The following TENM1 variants were observed in gnomAD, a reference collection of about 807,000 sequenced individuals.
The protein encoded by TENM1 is teneurin-1.
A neutral mutation model predicts 174.8 loss-of-function variants in TENM1; 35 were observed. The ratio of observed to expected loss-of-function variants is 0.20; its 90% CI spans 0.15 to 0.27. TENM1 has a LOEUF of 0.27. Ranked by LOEUF, TENM1 falls within the 10% of genes least tolerant of loss-of-function variation. The pLI is 1.00. For synonymous variants in TENM1, 781 were observed against 798.7 expected, an observed-to-expected ratio of 0.98 and a Z score of 0.37; for missense variants, 1,633 against 2,130.1, an observed-to-expected ratio of 0.77 and a Z score of 4.59.
the TENM1 span, among the ~76,000 whole-genome samples, chrX:125,048,304 C>T: frequency 1.0e-3 from 90 of 87,190 alleles, no homozygotes; most frequent in Non-Finnish European, 1.7e-3. Context: ...GACTGGAGTG[C>T]AGTGGTTATT....
At chrX:124,884,455 C>T (rs2057351934) in intron 3 of TENM1, among the ~76,000 whole-genome samples, 1 of 110,750 alleles carries the variant, frequency 9.0e-6, no homozygotes, top group South Asian at 3.9e-4. Context: ...AGGCATATTC[C>T]CTATGTTAGT....
intron 22 of TENM1, among the ~76,000 whole-genome samples, chrX:124,475,577 C>T (rs1220586626): frequency 2.7e-5 from 3 of 112,051 alleles, no homozygotes; most frequent in South Asian, 3.8e-4. Flanking sequence ...CTCCTCATTG[C>T]CTAATGCAAT....
At chrX:125,151,442 C>T in the TENM1 span, among the ~76,000 whole-genome samples, 1 of 111,390 alleles carries the variant, frequency 9.0e-6, no homozygotes, top group East Asian at 2.8e-4. Flanking sequence ...AGAGAAAATG[C>T]TTGTAAAAGG....
intron 3 of TENM1, among the ~76,000 whole-genome samples, chrX:124,845,514 G>GT (rs987552223): frequency 1.8e-5 from 2 of 111,781 alleles, no homozygotes; most frequent in African/African-American, 6.5e-5. Flanking sequence ...GTAATGTGTA[G>GT]TAACATTATT....
intron 3 of TENM1, among the ~76,000 whole-genome samples, chrX:124,864,137 A>C (rs1383359129): frequency 1.8e-5 from 2 of 111,948 alleles, no homozygotes; most frequent in African/African-American, 3.3e-5. Flanking sequence ...CTACAAATAA[A>C]CCCAGACAGT....
In TENM1 at chrX:124,809,047, T is replaced by A. The variant is rs751397055; in HGVS notation, c.536-71850A>T. ...AGATGAATGAAACAGAGGTTTTTTTTAAAAGATAAAATCAACGAACCTTTA... is the reference window on the plus strand; with the variant it reads ...AGATGAATGAAACAGAGGTTTTTTTAAAAAGATAAAATCAACGAACCTTTA... On this transcript the variant is annotated intron_variant, in intron 3 of 31. Transcript: ENST00000422452. 4.5e-5 allele frequency among the ~76,000 whole-genome samples: 5 copies of A among 111,332 alleles called. No individual in the cohort carries two copies. In the East Asian group the frequency reaches 1.1e-3, roughly 25 times the overall value.
At chrX:124,614,797 C>T (rs767439605) in intron 11 of TENM1, among the ~76,000 whole-genome samples, 10 of 112,297 alleles carry the variant, frequency 8.9e-5, no homozygotes, top group Non-Finnish European at 1.9e-4. Flanking sequence ...GCAGGAGAAT[C>T]GCTTCAACCC....
At chrX:124,846,216 C>T (rs1603243282) in intron 3 of TENM1, among the ~76,000 whole-genome samples, 1 of 110,538 alleles carries the variant, frequency 9.0e-6, no homozygotes, top group Middle Eastern at 4.6e-3. Context: ...AAAACGACAT[C>T]GGTGGGTGTC....
the TENM1 span, among the ~76,000 whole-genome samples, chrX:124,994,965 A>G: frequency 9.0e-6 from 1 of 111,103 alleles, no homozygotes; most frequent in South Asian, 3.8e-4. Flanking sequence ...GCCCTATACA[A>G]TCTAGCCCCT....
At chrX:124,420,253 T>A (rs2060635645) in intron 25 of TENM1, 58 bp downstream of exon 28, 1 of 1,107,938 alleles carries the variant, frequency 9.0e-7, no homozygotes. Flanking sequence ...ATTTTCCCAG[T>A]ATAATACAAT....
At chrX:125,194,076 G>A in the TENM1 span, among the ~76,000 whole-genome samples, 1,549 of 111,133 alleles carry the variant, frequency 0.014, 29 homozygotes, top group African/African-American at 0.047. Context: ...GAACCAGTGC[G>A]CCCAGCCAGA....
intron 1 of TENM1, among the ~76,000 whole-genome samples, chrX:124,906,976 G>C (rs1472714010): frequency 9.0e-6 from 1 of 110,969 alleles, no homozygotes; most frequent in Non-Finnish European, 1.9e-5. Flanking sequence ...AGGGGTGGTA[G>C]GTAGGTTCAC....
chrX:125,079,846 G>A, the TENM1 span, among the ~76,000 whole-genome samples: 1 of 111,642 alleles, frequency 9.0e-6, no homozygotes, highest in East Asian at 2.8e-4. Flanking sequence ...ACAACATGGA[G>A]GCTATAAGGA....
At chrX:125,093,137 G>A in the TENM1 span, among the ~76,000 whole-genome samples, 20 of 111,825 alleles carry the variant, frequency 1.8e-4, no homozygotes, top group Non-Finnish European at 3.6e-4. Flanking sequence ...AGCAGAATAG[G>A]ATTATTGTAG....
chrX:124,533,262 A>G (rs771630004), intron 15 of TENM1, among the ~76,000 whole-genome samples: 29 of 111,756 alleles, frequency 2.6e-4, no homozygotes, highest in African/African-American at 9.4e-4. Flanking sequence ...GTAGCCTTGT[A>G]TCTGGTTTGT....
chrX:124,819,400 T>G (rs1377659994), intron 3 of TENM1, among the ~76,000 whole-genome samples: 1 of 111,391 alleles, frequency 9.0e-6, no homozygotes, highest in Non-Finnish European at 1.9e-5. Context: ...ATTGATTAAA[T>G]GAGAAAACTT....
intron 26 of TENM1, 23 bp from the exon 30 acceptor site, chrX:124,405,289 G>C (rs1208793939): frequency 8.9e-7 from 1 of 1,129,425 alleles, no homozygotes; most frequent in Admixed American, 2.2e-5. Flanking sequence ...GAGCAAAGGA[G>C]GAAGAGGGGG....
intron 18 of TENM1, among the ~76,000 whole-genome samples, chrX:124,517,436 G>C (rs1034297506): frequency 9.1e-6 from 1 of 109,660 alleles, no homozygotes; most frequent in African/African-American, 3.3e-5. Context: ...TGATAGACTG[G>C]ATTAAGAAAA....
At chrX:124,579,504 C>T (rs1301424085) in intron 11 of TENM1, among the ~76,000 whole-genome samples, 1 of 111,882 alleles carries the variant, frequency 8.9e-6, no homozygotes, top group Non-Finnish European at 1.9e-5. Context: ...CTTCAGGCAA[C>T]AGTCCATGGT....
Sources: gnomAD v4.1 joint callset for allele counts (sites outside exome capture counted in the v4.1 genomes callset) on GRCh38, gnomAD v4.1.1 for gene constraint, MANE v1.5 for transcripts, NCBI Gene and HGNC (gene_info 2026-07-23, HGNC 2026-07-21) for gene names.